The following PPP2R3A variants were observed in gnomAD, a reference collection of about 807,000 sequenced individuals.
PPP2R3A encodes the protein protein phosphatase 2 regulatory subunit B''alpha.
In PPP2R3A, 80 loss-of-function variants were observed where a neutral mutation model predicts 106.9. The ratio of observed to expected loss-of-function variants is 0.75; its 90% confidence interval spans 0.62 to 0.90. The LOEUF is 0.90. Ranked by LOEUF, PPP2R3A falls within the 40% of genes least tolerant of loss-of-function variation. The pLI is 0.00. For missense variants in PPP2R3A, 1,386 were observed against 1,350.4 expected (o/e 1.03, Z -0.41); for synonymous variants, 483 against 468.3 (o/e 1.03, Z -0.41).
chr3:136,126,717 A>C (rs1576330608), intron 13 of PPP2R3A, among the ~76,000 whole-genome samples: 1 of 152,208 alleles, frequency 6.6e-6, no homozygotes, highest in East Asian at 1.9e-4. Flanking sequence ...GTGTAGCCTA[A>C]CGGGGAGACA....
At chr3:136,104,796 G>A (rs1278497603) in intron 12 of PPP2R3A, among the ~76,000 whole-genome samples, 2 of 152,072 alleles carry the variant, frequency 1.3e-5, no homozygotes, top group Non-Finnish European at 2.9e-5. Flanking sequence ...TAGACCCTAG[G>A]GCAATACTAA....
chr3:136,033,359 C>A (rs912378938), intron 3 of PPP2R3A, among the ~76,000 whole-genome samples: 1 of 151,944 alleles, frequency 6.6e-6, no homozygotes, highest in Non-Finnish European at 1.5e-5. Context: ...TTGGTTATGT[C>A]CTCCTTTCCT....
At chr3:135,975,905 A>T (rs1347301665) in intron 1 of PPP2R3A, among the ~76,000 whole-genome samples, 1 of 152,202 alleles carries the variant, frequency 6.6e-6, no homozygotes, top group Non-Finnish European at 1.5e-5. Context: ...TAATTAACAT[A>T]CTGTTAGGCT....
chr3:136,054,201 A>G (rs535458191), intron 5 of PPP2R3A, among the ~76,000 whole-genome samples: 1 of 151,568 alleles, frequency 6.6e-6, no homozygotes, highest in Non-Finnish European at 1.5e-5. Flanking sequence ...ACATACACCT[A>G]TAAGCACATT....
At chr3:136,080,297 C>T (rs1171210942) in intron 7 of PPP2R3A, among the ~76,000 whole-genome samples, 1 of 152,130 alleles carries the variant, frequency 6.6e-6, no homozygotes, top group East Asian at 1.9e-4. Context: ...AAATCGTTTT[C>T]AGATTTCCTC....
intron 5 of PPP2R3A, among the ~76,000 whole-genome samples, chr3:136,059,114 G>GT (rs1459129549): frequency 6.6e-6 from 1 of 152,034 alleles, no homozygotes; most frequent in African/African-American, 2.4e-5. Flanking sequence ...AAGAGCAATT[G>GT]TAACGGGCAA....
At chr3:136,036,236 T>C (rs563368808) in intron 3 of PPP2R3A, among the ~76,000 whole-genome samples, 1 of 152,294 alleles carries the variant, frequency 6.6e-6, no homozygotes, top group East Asian at 1.9e-4. Flanking sequence ...GGATTTCTTC[T>C]TGGTTTGGGT....
intron 4 of PPP2R3A, among the ~76,000 whole-genome samples, chr3:136,041,256 T>TTTTG (rs1935271177): frequency 8.2e-6 from 1 of 121,456 alleles, no homozygotes; most frequent in African/African-American, 3.3e-5. Context: ...TTTTGTTTTT[T>TTTTG]TTTTTGTTTT....
chr3:136,134,909 T>G (rs1938547623), intron 13 of PPP2R3A, among the ~76,000 whole-genome samples: 1 of 152,068 alleles, frequency 6.6e-6, no homozygotes, highest in South Asian at 2.1e-4. Flanking sequence ...AACTAGATCA[T>G]GTATTTTACA....
chr3:136,040,152 C>T (rs760158812), intron 3 of PPP2R3A, among the ~76,000 whole-genome samples: 2 of 152,112 alleles, frequency 1.3e-5, no homozygotes, highest in Non-Finnish European at 2.9e-5. Context: ...AATATTAACA[C>T]GAAGTTATTT....
At chr3:136,071,321 G>C (rs1301460103) in intron 6 of PPP2R3A, among the ~76,000 whole-genome samples, 1 of 152,234 alleles carries the variant, frequency 6.6e-6, no homozygotes, top group Non-Finnish European at 1.5e-5. Context: ...GATATGTTAG[G>C]TCCTGCCGAG....
At chr3:136,101,584 G>T (rs1028474697) in intron 10 of PPP2R3A, among the ~76,000 whole-genome samples, 1 of 151,934 alleles carries the variant, frequency 6.6e-6, no homozygotes. Flanking sequence ...ACCACCATGC[G>T]CAGCTAGTTT....
intron 2 of PPP2R3A, 108 bp from the exon 3 acceptor site, chr3:136,026,724 T>C (rs1934672851): frequency 9.6e-7 from 1 of 1,046,172 alleles, no homozygotes; most frequent in Non-Finnish European, 1.4e-6. Flanking sequence ...CAGTGAGCCC[T>C]TAATCTCTCC....
intron 13 of PPP2R3A, among the ~76,000 whole-genome samples, chr3:136,115,335 T>C (rs1177002254): frequency 6.6e-6 from 1 of 152,028 alleles, no homozygotes; most frequent in Non-Finnish European, 1.5e-5. Flanking sequence ...CCAGAAGGCC[T>C]CTTCTCCTCC....
chr3:135,996,174 G>A (rs1485484509), intron 1 of PPP2R3A, among the ~76,000 whole-genome samples: 1 of 152,136 alleles, frequency 6.6e-6, no homozygotes. Context: ...AAAAAAAAAT[G>A]TATTTTAGAA....
chr3:136,107,686 A>G (rs1452428195), intron 13 of PPP2R3A, among the ~76,000 whole-genome samples: 1 of 152,118 alleles, frequency 6.6e-6, no homozygotes, highest in Non-Finnish European at 1.5e-5. Context: ...TCTTTCACTG[A>G]GAGATTTCTT....
At chr3:135,980,677 C>T (rs933024617) in intron 1 of PPP2R3A, among the ~76,000 whole-genome samples, 1 of 151,910 alleles carries the variant, frequency 6.6e-6, no homozygotes, top group South Asian at 2.1e-4. Context: ...TTGGTATAGA[C>T]CATCTTGGCC....
intron 13 of PPP2R3A, among the ~76,000 whole-genome samples, chr3:136,131,412 A>G (rs1938411649): frequency 6.6e-6 from 1 of 152,258 alleles, no homozygotes; most frequent in Admixed American, 6.5e-5. Flanking sequence ...ACATGAAAAA[A>G]TGCTCATCAT....
chr3:136,144,893 T>C, intron 13 of PPP2R3A, 150 bp from the exon 14 acceptor site: 1 of 694,534 alleles, frequency 1.4e-6, no homozygotes, highest in Non-Finnish European at 2.3e-6. Context: ...GAGTGTTGCC[T>C]CCTTCACGGC....
Sources: allele counts gnomAD v4.1 joint callset (sites outside exome capture counted in the v4.1 genomes callset), GRCh38; gene constraint gnomAD v4.1.1; transcripts MANE v1.5; gene names NCBI Gene and HGNC (gene_info 2026-07-23, HGNC 2026-07-21).